PLEKHG1: variants seen among roughly 807,000 people sequenced by gnomAD.
The protein encoded by PLEKHG1 is pleckstrin homology and RhoGEF domain containing G1.
A neutral mutation model predicts 100.8 loss-of-function variants in PLEKHG1; 44 were observed. The ratio of observed to expected loss-of-function variants is 0.44; its 90% CI spans 0.34 to 0.56. The LOEUF (loss-of-function observed/expected upper bound fraction) is 0.56, where lower values mean the gene tolerates loss of function less well. Among genes scored for constraint, PLEKHG1 ranks in the 20% least tolerant of loss-of-function variants. The pLI is 0.01. For missense variants in PLEKHG1, 1,545 were observed against 1,720.9 expected (o/e 0.90, Z 1.81); for synonymous variants, 640 against 662.5 (o/e 0.97, Z 0.52).
intron 1 of PLEKHG1, among the ~76,000 whole-genome samples, chr6:150,623,049 G>A (rs1777372009): frequency 6.6e-6 from 1 of 151,612 alleles, no homozygotes. Flanking sequence ...TAGGAAATGA[G>A]CGCAGAAGCT....
intron 4 of PLEKHG1, among the ~76,000 whole-genome samples, chr6:150,792,428 CT>C (rs1159429093): frequency 6.6e-6 from 1 of 151,216 alleles, no homozygotes; most frequent in Non-Finnish European, 1.5e-5. Flanking sequence ...AATCCCAACA[CT>C]CTGGGAGGCC....
At chr6:150,732,934 ATCTT>A (rs1319741474) in intron 1 of PLEKHG1, among the ~76,000 whole-genome samples, 1 of 149,460 alleles carries the variant, frequency 6.7e-6, no homozygotes, top group Non-Finnish European at 1.5e-5. Flanking sequence ...GTATGACTCT[ATCTT>A]TTTCTTGCCT....
intron 10 of PLEKHG1, among the ~76,000 whole-genome samples, chr6:150,812,655 A>G (rs1179341464): frequency 6.6e-6 from 1 of 152,200 alleles, no homozygotes; most frequent in Non-Finnish European, 1.5e-5. Flanking sequence ...GATAGTTTGG[A>G]GAGAAAGGCA....
At chr6:150,673,818 G>A (rs1582922723) in intron 3 of PLEKHG1, among the ~76,000 whole-genome samples, 1 of 152,108 alleles carries the variant, frequency 6.6e-6, no homozygotes, top group East Asian at 1.9e-4. Context: ...AAGCCACCAT[G>A]CCTGGCTAAA....
Position 150,761,123 on chromosome 6 carries a change from T to G in PLEKHG1, c.412-7515T>G, listed in dbSNP as rs868027944. ...TCTTTTTTTTTTTTTTTTTTTTTTT[T>G]GAGACAAAGTCTCACTCTATTGCCC... On this transcript the variant is annotated intron_variant, in intron 2 of 15. Coordinates refer to ENST00000358517, the Ensembl canonical transcript of PLEKHG1. Among the ~76,000 whole-genome samples the G allele has an allele frequency of 6.9e-3, 715 of 103,366 alleles. 4 individuals are homozygous for G. Among genetic ancestry groups the G allele is most frequent in the African/African-American group, 0.035 (685 of 19,320 alleles). 67.8% of individuals were successfully genotyped at this position (103,366 alleles called of 152,430 possible).
At chr6:150,739,834 G>A (rs964307347) in intron 2 of PLEKHG1, among the ~76,000 whole-genome samples, 5 of 152,174 alleles carry the variant, frequency 3.3e-5, no homozygotes, top group East Asian at 3.8e-4. Context: ...CTCTGTGTTC[G>A]TTAGTCTATG....
At chr6:150,623,150 C>A (rs1777377389) in intron 1 of PLEKHG1, among the ~76,000 whole-genome samples, 1 of 152,100 alleles carries the variant, frequency 6.6e-6, no homozygotes, top group African/African-American at 2.4e-5. Context: ...CTACCCCAGG[C>A]CTCACTTGAA....
chr6:150,656,495 T>C (rs1416002460), intron 3 of PLEKHG1, among the ~76,000 whole-genome samples: 1 of 152,138 alleles, frequency 6.6e-6, no homozygotes, highest in Non-Finnish European at 1.5e-5. Flanking sequence ...TTAATTGGTT[T>C]CTGTTGCTGT....
intron 3 of PLEKHG1, among the ~76,000 whole-genome samples, chr6:150,781,859 C>T (rs1246051636): frequency 6.6e-6 from 1 of 151,472 alleles, no homozygotes; most frequent in Non-Finnish European, 1.5e-5. Context: ...GCAAGCTCCA[C>T]CTCCCGGGTT....
chr6:150,821,291 C>G lies in PLEKHG1; in HGVS notation c.1447+58C>G. The G allele has an allele frequency of 3.6e-6, 4 of 1,100,344 alleles. No individual in the cohort carries two copies. The South Asian group carries it at 5.2e-5, about 14-fold the overall frequency. 68.2% of individuals were successfully genotyped at this position (1,100,344 alleles called of 1,614,324 possible). ...CTTGTTGATATTCACTAAATCAAAC[C>G]ACACAAAAATAAATAAATACCAGAT... On this transcript the variant is annotated intron_variant, in intron 13 of 15. Transcript: ENST00000358517.
intron 12 of PLEKHG1, among the ~76,000 whole-genome samples, chr6:150,820,939 A>G (rs1052380604): frequency 1.3e-5 from 2 of 152,030 alleles, no homozygotes; most frequent in Admixed American, 1.3e-4. Flanking sequence ...TCTGCTACTG[A>G]CAGGACTGAA....
intron 3 of PLEKHG1, among the ~76,000 whole-genome samples, chr6:150,709,434 C>T (rs1265208629): frequency 6.6e-6 from 1 of 152,168 alleles, no homozygotes; most frequent in African/African-American, 2.4e-5. Context: ...TGACCATAAT[C>T]GTGGGACCAT....
At chr6:150,748,071 A>G (rs1040194315) in intron 2 of PLEKHG1, among the ~76,000 whole-genome samples, 11 of 152,190 alleles carry the variant, frequency 7.2e-5, no homozygotes, top group African/African-American at 2.4e-4. Flanking sequence ...TCAGGGAACC[A>G]GCTTTCTACT....
intron 2 of PLEKHG1, among the ~76,000 whole-genome samples, chr6:150,766,499 G>C (rs923456808): frequency 3.9e-5 from 6 of 152,214 alleles, no homozygotes; most frequent in African/African-American, 1.4e-4. Context: ...AGATTTAAAA[G>C]ATGTACTTAT....
chr6:150,613,658 A>G (rs903350202), intron 1 of PLEKHG1, among the ~76,000 whole-genome samples: 2 of 152,140 alleles, frequency 1.3e-5, no homozygotes, highest in African/African-American at 4.8e-5. Context: ...AGGCTTCCAT[A>G]GGAGGGCCGC....
chr6:150,828,326 T>C, intron 14 of PLEKHG1: 2 of 1,611,680 alleles, frequency 1.2e-6, no homozygotes, highest in Non-Finnish European at 8.5e-7. Context: ...GACGTGTTGC[T>C]CTCCTCAGTG....
intron 1 of PLEKHG1, among the ~76,000 whole-genome samples, chr6:150,608,999 G>C (rs574015577): frequency 5.9e-5 from 9 of 152,280 alleles, no homozygotes; most frequent in African/African-American, 2.2e-4. Flanking sequence ...TCTGTTACTA[G>C]ATGGCTGGAA....
chr6:150,693,735 GC>G (rs1300352725), intron 3 of PLEKHG1, among the ~76,000 whole-genome samples: 1 of 152,124 alleles, frequency 6.6e-6, no homozygotes. Flanking sequence ...AGCATATATG[GC>G]CCATGTTGTT....
chr6:150,608,586 A>G (rs1477907803), intron 1 of PLEKHG1, among the ~76,000 whole-genome samples: 2 of 152,256 alleles, frequency 1.3e-5, no homozygotes, highest in Non-Finnish European at 2.9e-5. Flanking sequence ...TTCAGAAACT[A>G]TATGCCATAT....
Sources: allele counts gnomAD v4.1 joint callset (sites outside exome capture counted in the v4.1 genomes callset), GRCh38; gene constraint gnomAD v4.1.1; transcripts MANE v1.5; gene names NCBI Gene and HGNC (gene_info 2026-07-23, HGNC 2026-07-21).